Variants in PLXDC1 observed in about 807,000 individuals in gnomAD.
PLXDC1 encodes the protein plexin domain-containing protein 1.
In PLXDC1, 39 loss-of-function variants were observed where a neutral mutation model predicts 61.3. The ratio of observed to expected loss-of-function variants is 0.64; its 90% CI spans 0.49 to 0.83. The LOEUF (loss-of-function observed/expected upper bound fraction) is 0.83, where lower values mean the gene tolerates loss of function less well. Ranked by LOEUF, PLXDC1 falls within the 40% of genes least tolerant of loss-of-function variation. The pLI is 0.00. For synonymous variants in PLXDC1, 212 were observed against 254.5 expected (o/e 0.83, Z 1.59); for missense variants, 596 against 666.5 (o/e 0.89, Z 1.17).
At chr17:39,106,072 A>T (rs2143656808) in intron 6 of PLXDC1, 119 bp from the exon 7 acceptor site, 1 of 629,508 alleles carries the variant, frequency 1.6e-6, no homozygotes, top group Non-Finnish European at 2.8e-6. Context: ...GGACTCCAAG[A>T]CATTGGAAGC....
chr17:39,075,719 C>G (rs987375236), intron 11 of PLXDC1, among the ~76,000 whole-genome samples: 1 of 152,184 alleles, frequency 6.6e-6, no homozygotes, highest in Non-Finnish European at 1.5e-5. Context: ...TCCTCCACAA[C>G]CTCCCCCCAG....
intron 2 of PLXDC1, among the ~76,000 whole-genome samples, chr17:39,122,612 A>G (rs1319657897): frequency 6.6e-6 from 1 of 152,146 alleles, no homozygotes; most frequent in Non-Finnish European, 1.5e-5. Flanking sequence ...AAGGATGCGG[A>G]GACCTTGCCT....
chr17:39,072,654 A>C (rs932524272), intron 11 of PLXDC1, 169 bp from the exon 12 acceptor site: 16 of 645,280 alleles, frequency 2.5e-5, no homozygotes, highest in Non-Finnish European at 4.3e-5. Context: ...AGTTGAGTGT[A>C]GCTGGAGGCT....
At chr17:39,137,870 A>G (rs1309747086) in intron 2 of PLXDC1, among the ~76,000 whole-genome samples, 3 of 151,850 alleles carry the variant, frequency 2.0e-5, no homozygotes. Context: ...ATTGGAGTGC[A>G]GGACAGGAGA....
chr17:39,096,580 T>C (rs921584298), intron 7 of PLXDC1, among the ~76,000 whole-genome samples: 3 of 152,016 alleles, frequency 2.0e-5, no homozygotes, highest in Non-Finnish European at 4.4e-5. Flanking sequence ...CTGACATATA[T>C]CTGGACTCAA....
At chr17:39,109,082 G>A in intron 3 of PLXDC1, 109 bp from the exon 4 acceptor site, 2 of 1,232,590 alleles carry the variant, frequency 1.6e-6, no homozygotes, top group East Asian at 2.4e-5. Flanking sequence ...GCATGCCCAG[G>A]GCCACTGCTG....
At chr17:39,149,166 A>C (rs1423218215) in intron 1 of PLXDC1, among the ~76,000 whole-genome samples, 1 of 152,034 alleles carries the variant, frequency 6.6e-6, no homozygotes, top group Non-Finnish European at 1.5e-5. Context: ...ATGATAGATG[A>C]GGTTTCAAGG....
intron 4 of PLXDC1, chr17:39,108,489 G>A (rs977842891): frequency 1.8e-6 from 1 of 564,868 alleles, no homozygotes; most frequent in South Asian, 2.2e-5. Context: ...GGGGCAGGAA[G>A]AGGAGAGGAC....
chr17:39,071,720 C>A (rs62076603), intron 12 of PLXDC1, among the ~76,000 whole-genome samples: 5,372 of 152,232 alleles, frequency 0.035, 88 homozygotes, highest in Non-Finnish European at 0.04. Context: ...ACACACACAC[C>A]CACTGCCTAT....
At chr17:39,146,925 C>T (rs2045345811) in intron 1 of PLXDC1, among the ~76,000 whole-genome samples, 2 of 145,918 alleles carry the variant, frequency 1.4e-5, no homozygotes, top group Non-Finnish European at 1.5e-5. Flanking sequence ...AGGGCCAATT[C>T]GAAGACCCTC....
intron 6 of PLXDC1, 112 bp from the exon 7 acceptor site, chr17:39,106,065 C>T: frequency 1.5e-6 from 1 of 661,846 alleles, no homozygotes. Context: ...TCCTGGAGGA[C>T]TCCAAGACAT....
At chr17:39,140,867 T>C (rs1384384556) in intron 1 of PLXDC1, among the ~76,000 whole-genome samples, 1 of 152,198 alleles carries the variant, frequency 6.6e-6, no homozygotes, top group Non-Finnish European at 1.5e-5. Context: ...AAAATACACA[T>C]AACAAAATTT....
At chr17:39,091,786 C>T (rs1471278275) in intron 7 of PLXDC1, among the ~76,000 whole-genome samples, 4 of 151,804 alleles carry the variant, frequency 2.6e-5, no homozygotes, top group Non-Finnish European at 1.5e-5. Context: ...GGTGAAACCC[C>T]GTCTCTACTA....
Position 39,063,654 on chromosome 17 carries a change from C to T in PLXDC1, c.*4186G>A, listed in dbSNP as rs1908790668. Reference sequence around the variant, plus strand: ...CCTTTTATTATTAACACTGAGAATCCATGCAGAGAGTTTACACTAAACACA... The same window carrying T: ...CCTTTTATTATTAACACTGAGAATCTATGCAGAGAGTTTACACTAAACACA... On this transcript the variant is annotated 3_prime_UTR_variant, in exon 14 of 14. Coordinates refer to ENST00000315392, the MANE Select transcript of PLXDC1 (RefSeq NM_020405.5). 1 of 607,742 alleles carries T rather than the reference C, an allele frequency of 1.6e-6. No homozygotes were observed. The highest frequency in any genetic ancestry group is 2.0e-5 in the South Asian group (1 of 50,012). 37.6% of individuals were successfully genotyped at this position (607,742 alleles called of 1,614,324 possible). A position where few individuals can be genotyped will look rare whatever the true frequency, so the allele number is the denominator to read the frequency against.
intron 2 of PLXDC1, among the ~76,000 whole-genome samples, chr17:39,118,062 TTCCC>T (rs1290710892): frequency 4.0e-4 from 52 of 129,876 alleles, no homozygotes; most frequent in East Asian, 2.4e-3. Context: ...CTAGAATTCC[TTCCC>T]TCCCTCCCTC....
At chr17:39,125,949 C>T (rs1035734740) in intron 2 of PLXDC1, among the ~76,000 whole-genome samples, 12 of 152,098 alleles carry the variant, frequency 7.9e-5, no homozygotes, top group Non-Finnish European at 5.9e-5. Flanking sequence ...TAAAGCAATG[C>T]TTCTCAAACA....
At chr17:39,107,869 ATAAAGGCCCC>A in intron 5 of PLXDC1, 1 of 576,962 alleles carries the variant, frequency 1.7e-6, no homozygotes. Flanking sequence ...GTAAGTAACA[ATAAAGGCCCC>A]TAACATTTAT....
chr17:39,107,721 T>A (rs1040921214), intron 5 of PLXDC1, 196 bp from the exon 6 acceptor site: 1 of 619,536 alleles, frequency 1.6e-6, no homozygotes, highest in Non-Finnish European at 2.9e-6. Context: ...AGCCAGAAGA[T>A]CCTGCTTCAG....
At chr17:39,077,853 G>T in intron 11 of PLXDC1, 60 bp downstream of exon 11, 2 of 1,589,482 alleles carry the variant, frequency 1.3e-6, no homozygotes, top group Non-Finnish European at 8.6e-7. Context: ...GGGCCCCAGA[G>T]GGGTGGGTAG....
Sources: gnomAD v4.1 joint callset for allele counts (sites outside exome capture counted in the v4.1 genomes callset) on GRCh38, gnomAD v4.1.1 for gene constraint, MANE v1.5 for transcripts, NCBI Gene and HGNC (gene_info 2026-07-23, HGNC 2026-07-21) for gene names.